The following FGD6 variants were observed in gnomAD, a reference collection of about 807,000 sequenced individuals.
FGD6 encodes FYVE, RhoGEF and PH domain-containing protein 6.
Under a neutral mutation model 149.4 loss-of-function variants are expected in FGD6, and 90 were observed. The ratio of observed to expected loss-of-function variants is 0.60; its 90% confidence interval spans 0.51 to 0.72. The LOEUF (loss-of-function observed/expected upper bound fraction) is 0.72. Among genes scored for constraint, FGD6 ranks in the 30% least tolerant of loss-of-function variants. The pLI is 0.00. For missense variants in FGD6, 1,437 were observed against 1,684.8 expected (o/e 0.85, Z 2.57); for synonymous variants, 527 against 584.0 (o/e 0.90, Z 1.41).
At chr12:95,205,837 G>A (rs2056689991) in intron 2 of FGD6, among the ~76,000 whole-genome samples, 1 of 152,196 alleles carries the variant, frequency 6.6e-6, no homozygotes, top group Non-Finnish European at 1.5e-5. Flanking sequence ...TCTCAAGCCT[G>A]TTGCAGGCTC....
chr12:95,210,740 C>T lies in FGD6; in HGVS notation c.544G>A (p.Glu182Lys), dbSNP rs1358417872. The T allele has an allele frequency of 3.7e-6, 6 of 1,613,922 alleles. No homozygotes were observed. Among genetic ancestry groups the T allele is most frequent in the Non-Finnish European group, 5.1e-6 (6 of 1,179,982 alleles). The change falls in exon 2 of 21, where the codon GAG (glutamate) becomes AAG (lysine). Residue 182 changes from glutamate (E) to lysine (K), a missense_variant. Glu to Lys is a moderately conservative substitution (Grantham distance 56, BLOSUM62 1). Coordinates refer to ENST00000343958, the MANE Select transcript of FGD6 (RefSeq NM_018351.4). ...TGGTGTATTAAGGCATCTTTGAGCT[C>T]CTCTTCTAAAACGCTTGCCTTTAAA... ...VVLKASVLEE[E>K]LKDALIHQMP...
At position 95,172,599 on chromosome 12, in the gene FGD6, C is replaced by T; in HGVS notation, c.2586+1G>A. 6.2e-7 allele frequency: 1 copy of T among 1,602,772 alleles called. No individual in the cohort carries two copies. The highest frequency in any genetic ancestry group is 8.5e-7 in the Non-Finnish European group (1 of 1,173,318). Reference sequence around the variant, plus strand: ...AGAAGCAATTAAGTACCAAAGTATACCTGTTTATCTTCCAGTGGGTCAGGC... The same window carrying T: ...AGAAGCAATTAAGTACCAAAGTATATCTGTTTATCTTCCAGTGGGTCAGGC... On this transcript the variant is annotated splice_donor_variant, in intron 3 of 20. Coordinates refer to ENST00000343958, the MANE Select transcript of FGD6 (RefSeq NM_018351.4). LOFTEE classifies it high-confidence loss of function.
intron 2 of FGD6, among the ~76,000 whole-genome samples, chr12:95,193,530 GTTT>G (rs754634855): frequency 2.3e-5 from 3 of 129,174 alleles, no homozygotes; most frequent in Admixed American, 7.9e-5. Context: ...GTTAATTCTT[GTTT>G]TTTTTTTTTT....
At chr12:95,094,414 C>T (rs1411305337) in intron 15 of FGD6, among the ~76,000 whole-genome samples, 178 bp downstream of exon 15, 1 of 151,996 alleles carries the variant, frequency 6.6e-6, no homozygotes, top group Admixed American at 6.6e-5. Flanking sequence ...TGCAGTGAGA[C>T]AACAATAGGA....
At chr12:95,177,148 A>G (rs1440457179) in intron 2 of FGD6, among the ~76,000 whole-genome samples, 1 of 152,194 alleles carries the variant, frequency 6.6e-6, no homozygotes, top group Non-Finnish European at 1.5e-5. Flanking sequence ...TTTTAAAAAT[A>G]CTAAATCCAT....
rs777404029 is a variant in FGD6, at chr12:95,108,531, T to C, written c.3164A>G (p.Asn1055Ser). The C allele has an allele frequency of 6.2e-6, 10 of 1,614,050 alleles. No homozygotes were observed. Among genetic ancestry groups the C allele is most frequent in the South Asian group, 2.2e-5 (2 of 91,070 alleles). ...TTGCTTCATGGTGTCATTGGCGTGG[T>C]TGGCTACCTCTATAACAACAGCAAG... is the stretch of plus-strand genomic sequence containing the variant. ...DALAVVIEVA[N>S]HANDTMKQGD... Residue 1055 changes from asparagine to serine, a missense_variant, in exon 10 of 21, where the codon AAC becomes AGC. By Grantham distance (46) the Asn-to-Ser change is conservative. Transcript: ENST00000343958.
intron 2 of FGD6, among the ~76,000 whole-genome samples, chr12:95,207,380 C>T (rs751992426): frequency 1.3e-5 from 2 of 152,052 alleles, no homozygotes; most frequent in Non-Finnish European, 2.9e-5. Context: ...TTATTAGTAG[C>T]GTGAGAACGG....
intron 19 of FGD6, chr12:95,085,540 C>G (rs990272623): frequency 2.0e-6 from 1 of 506,524 alleles, no homozygotes; most frequent in Non-Finnish European, 3.4e-6. Context: ...AGTAGTCACA[C>G]GACACACACA....
At chr12:95,184,797 G>C (rs1473219670) in intron 2 of FGD6, among the ~76,000 whole-genome samples, 1 of 152,098 alleles carries the variant, frequency 6.6e-6, no homozygotes. Flanking sequence ...TGGCCAAGCT[G>C]GTCTCAAACT....
intron 5 of FGD6, among the ~76,000 whole-genome samples, chr12:95,152,320 GCTCT>G (rs1261535270): frequency 6.6e-6 from 1 of 151,812 alleles, no homozygotes; most frequent in Non-Finnish European, 1.5e-5. Flanking sequence ...AGAATAAGAT[GCTCT>G]CTCAAATCAA....
intron 2 of FGD6, among the ~76,000 whole-genome samples, chr12:95,183,682 T>TA (rs1228840809): frequency 2.0e-5 from 3 of 151,998 alleles, no homozygotes; most frequent in Non-Finnish European, 4.4e-5. Flanking sequence ...CTACAAAACA[T>TA]AAAAAATTAG....
chr12:95,179,553 TTTAAAATACAGTCC>T (rs1234803102), intron 2 of FGD6, among the ~76,000 whole-genome samples: 1 of 152,118 alleles, frequency 6.6e-6, no homozygotes, highest in Non-Finnish European at 1.5e-5. Flanking sequence ...GAGGCTGCTA[TTTAAAATACAGTCC>T]TCACAAGACA....
chr12:95,105,190 T>C (rs1299983775), intron 13 of FGD6, 104 bp from the exon 14 acceptor site: 9 of 921,980 alleles, frequency 9.8e-6, no homozygotes, highest in Admixed American at 2.3e-5. Flanking sequence ...ACAACCAATC[T>C]TCCTATCCAG....
chr12:95,094,193 T>C (rs1592827795), intron 15 of FGD6, among the ~76,000 whole-genome samples: 1 of 151,280 alleles, frequency 6.6e-6, no homozygotes, highest in Admixed American at 6.6e-5. Context: ...AAAAGAAATA[T>C]GGGCTATTAT....
At chr12:95,181,376 G>T (rs1199902220) in intron 2 of FGD6, among the ~76,000 whole-genome samples, 1 of 152,136 alleles carries the variant, frequency 6.6e-6, no homozygotes, top group Non-Finnish European at 1.5e-5. Context: ...GACACAGGAG[G>T]AGCCCCATGG....
At position 95,203,424 on chromosome 12, in the gene FGD6, T is replaced by G. The variant is rs370793248; in HGVS notation, c.2441+5419A>C. Among the ~76,000 whole-genome samples the G allele has an allele frequency of 5.3e-4, 81 of 152,240 alleles. 1 individual carries two copies. In the East Asian group the frequency reaches 0.011, roughly 20 times the overall value. On this transcript the variant is annotated intron_variant, in intron 2 of 20. Transcript: ENST00000343958. The stretch of plus-strand genomic sequence containing the variant: ...CCTTCTCCAACAGTACCACTAAAAC[T>G]GCTCTCACCAACATTAAAAAACAAC...
intron 16 of FGD6, 23 bp downstream of exon 16, chr12:95,092,676 A>G: frequency 1.2e-6 from 2 of 1,612,620 alleles, no homozygotes; most frequent in Non-Finnish European, 8.5e-7. Flanking sequence ...ACCACAATGG[A>G]GATGGGTGTT....
chr12:95,082,923 G>T (rs1363371133), intron 20 of FGD6, among the ~76,000 whole-genome samples: 9 of 141,118 alleles, frequency 6.4e-5, no homozygotes, highest in African/African-American at 2.4e-4. Context: ...GAGATAGGTG[G>T]ACTGCTTGAG....
chr12:95,094,379 A>C (rs1298424617), intron 15 of FGD6, among the ~76,000 whole-genome samples: 2 of 152,164 alleles, frequency 1.3e-5, no homozygotes, highest in Non-Finnish European at 2.9e-5. Flanking sequence ...AAGAAACATG[A>C]ATATGCTATA....
Sources: gnomAD v4.1 joint callset for allele counts (sites outside exome capture counted in the v4.1 genomes callset) on GRCh38, gnomAD v4.1.1 for gene constraint, MANE v1.5 for transcripts, NCBI Gene and HGNC (gene_info 2026-07-23, HGNC 2026-07-21) for gene names.